The following SLC25A21 variants were observed in gnomAD, a reference collection of about 807,000 sequenced individuals.
SLC25A21 encodes the protein mitochondrial 2-oxodicarboxylate carrier.
A neutral mutation model predicts 43.8 loss-of-function variants in SLC25A21; 47 were observed. The observed-to-expected ratio is 1.07, with a 90% confidence interval of 0.85 to 1.37. The LOEUF is 1.37. SLC25A21 is among the 40% of genes most tolerant of loss of function. SLC25A21 has a pLI of 0.00. For missense variants in SLC25A21, 352 were observed against 350.2 expected (o/e 1.00, Z -0.04); for synonymous variants, 131 against 121.3 (o/e 1.08, Z -0.52).
At chr14:36,995,995 A>G (rs1214753363) in intron 1 of SLC25A21, among the ~76,000 whole-genome samples, 1 of 152,200 alleles carries the variant, frequency 6.6e-6, no homozygotes, top group Admixed American at 6.5e-5. Flanking sequence ...TGAGGTTCAG[A>G]GAAGTAACTC....
intron 1 of SLC25A21, chr14:36,952,236 G>A (rs79168362): frequency 0.069 from 10,546 of 153,268 alleles, 519 homozygotes; most frequent in Middle Eastern, 0.15. Context: ...ATCTCAAAAA[G>A]AAAAGAAAGA....
At chr14:37,116,687 A>G (rs887926076) in intron 1 of SLC25A21, among the ~76,000 whole-genome samples, 3 of 152,172 alleles carry the variant, frequency 2.0e-5, no homozygotes, top group African/African-American at 7.2e-5. Context: ...TAGAAACCAA[A>G]TATGCTTGCT....
At chr14:37,063,302 C>T (rs527621801) in intron 1 of SLC25A21, among the ~76,000 whole-genome samples, 2 of 152,014 alleles carry the variant, frequency 1.3e-5, no homozygotes, top group Non-Finnish European at 2.9e-5. Context: ...GAGTTCAAGA[C>T]CAGCCTGATG....
intron 3 of SLC25A21, among the ~76,000 whole-genome samples, chr14:36,750,823 C>T (rs2139259113): frequency 6.6e-6 from 1 of 152,264 alleles, no homozygotes; most frequent in South Asian, 2.1e-4. Flanking sequence ...CCAGGCAGTT[C>T]CCCAGGAATT....
intron 1 of SLC25A21, among the ~76,000 whole-genome samples, chr14:37,019,109 T>C (rs1398480476): frequency 6.6e-6 from 1 of 151,908 alleles, no homozygotes; most frequent in East Asian, 1.9e-4. Context: ...TTCATGACAT[T>C]CCTTTGCTTA....
intron 1 of SLC25A21, among the ~76,000 whole-genome samples, chr14:36,985,417 T>C (rs1960125572): frequency 6.6e-6 from 1 of 152,022 alleles, no homozygotes; most frequent in Non-Finnish European, 1.5e-5. Flanking sequence ...TAATATACTC[T>C]ATAGCAAAGA....
At chr14:36,861,207 G>T (rs967757462) in intron 2 of SLC25A21, among the ~76,000 whole-genome samples, 6 of 152,048 alleles carry the variant, frequency 3.9e-5, no homozygotes, top group Admixed American at 3.9e-4. Flanking sequence ...ATCAATCTTT[G>T]GTCAAGGTTC....
At chr14:36,810,465 T>G (rs1888200603) in intron 3 of SLC25A21, among the ~76,000 whole-genome samples, 1 of 152,192 alleles carries the variant, frequency 6.6e-6, no homozygotes, top group South Asian at 2.1e-4. Context: ...ACTATGATTT[T>G]CTTAACTTTC....
At chr14:36,800,292 C>T (rs1340145936) in intron 3 of SLC25A21, among the ~76,000 whole-genome samples, 1 of 152,098 alleles carries the variant, frequency 6.6e-6, no homozygotes, top group African/African-American at 2.4e-5. Context: ...CAGCATTACT[C>T]CCAAGAGCCA....
chr14:37,080,234 G>T (rs996333201), intron 1 of SLC25A21, among the ~76,000 whole-genome samples: 2 of 152,218 alleles, frequency 1.3e-5, no homozygotes, highest in South Asian at 4.1e-4. Context: ...TTCTACTGTA[G>T]CATTCATCAT....
intron 1 of SLC25A21, among the ~76,000 whole-genome samples, chr14:37,022,244 C>T (rs1961003241): frequency 6.6e-6 from 1 of 151,936 alleles, no homozygotes; most frequent in South Asian, 2.1e-4. Flanking sequence ...AATAATTTTA[C>T]ACATATTATA....
At chr14:36,834,953 C>T (rs1182476000) in intron 2 of SLC25A21, among the ~76,000 whole-genome samples, 1 of 152,210 alleles carries the variant, frequency 6.6e-6, no homozygotes, top group African/African-American at 2.4e-5. Flanking sequence ...GGGTTTACAA[C>T]TGCAAATGTG....
intron 2 of SLC25A21, among the ~76,000 whole-genome samples, chr14:36,831,679 C>T (rs115030626): frequency 0.012 from 1,854 of 152,226 alleles, 38 homozygotes; most frequent in African/African-American, 0.043. Context: ...AAAAAAGGCT[C>T]CACAGCAAGA....
At chr14:36,859,532 G>C (rs1296022576) in intron 2 of SLC25A21, among the ~76,000 whole-genome samples, 1 of 152,200 alleles carries the variant, frequency 6.6e-6, no homozygotes, top group Non-Finnish European at 1.5e-5. Context: ...CTGGACTGGA[G>C]TTAAGAGGCT....
intron 1 of SLC25A21, 46 bp downstream of exon 1, chr14:37,172,235 G>A (rs754243625): frequency 3.3e-6 from 5 of 1,536,596 alleles, no homozygotes; most frequent in Admixed American, 2.0e-5. Flanking sequence ...GACACGCGGT[G>A]GGGAAAGCGA....
At chr14:36,907,289 T>A (rs1466922584) in intron 1 of SLC25A21, among the ~76,000 whole-genome samples, 3 of 152,178 alleles carry the variant, frequency 2.0e-5, no homozygotes, top group Non-Finnish European at 4.4e-5. Context: ...TCAAATCAAC[T>A]GCAAAAATCT....
chr14:36,823,647 C>G (rs1888714936), intron 2 of SLC25A21, among the ~76,000 whole-genome samples: 1 of 152,078 alleles, frequency 6.6e-6, no homozygotes, highest in Non-Finnish European at 1.5e-5. Flanking sequence ...TAGAGAGGAT[C>G]ACACCAACCT....
chr14:37,115,435 C>T lies in SLC25A21; in HGVS notation c.70+56846G>A, dbSNP rs577172484. On this transcript the variant is annotated intron_variant, in intron 1 of 9. Coordinates refer to ENST00000331299, the MANE Select transcript of SLC25A21 (RefSeq NM_030631.4). ...ACATACCAGCAAAAATACATGAGGA[C>T]GGCCCCTGCATGGAAGACACAGGAA... Among the ~76,000 whole-genome samples the T allele has an allele frequency of 2.3e-4, 35 of 152,178 alleles. No individual in the cohort carries two copies. The South Asian group carries it at 4.8e-3, about 21-fold the overall frequency.
chr14:37,034,182 A>G (rs748734304), intron 1 of SLC25A21, among the ~76,000 whole-genome samples: 2 of 151,956 alleles, frequency 1.3e-5, no homozygotes, highest in Non-Finnish European at 2.9e-5. Flanking sequence ...ACGCCCAGCT[A>G]ATTTTTTGTA....
Sources: allele counts gnomAD v4.1 joint callset (sites outside exome capture counted in the v4.1 genomes callset), GRCh38; gene constraint gnomAD v4.1.1; transcripts MANE v1.5; gene names NCBI Gene and HGNC (gene_info 2026-07-23, HGNC 2026-07-21).